Variants in WWOX observed in about 807,000 individuals in gnomAD.
WWOX encodes the protein WW domain containing oxidoreductase, also known as WW domain-containing oxidoreductase.
A neutral mutation model predicts 46.2 loss-of-function variants in WWOX; 69 were observed. The ratio of observed to expected loss-of-function variants is 1.49; its 90% CI spans 1.23 to 1.82. The LOEUF (loss-of-function observed/expected upper bound fraction) is 1.82, where lower values mean the gene tolerates loss of function less well. WWOX is among the 40% of genes most tolerant of loss of function. The pLI is 0.00. For synonymous variants in WWOX, 359 were observed against 202.6 expected, an observed-to-expected ratio of 1.77 and a Z score of -6.56; for missense variants, 919 against 542.6, an observed-to-expected ratio of 1.69 and a Z score of -6.89.
At chr16:78,489,667 A>G (rs773279485) in intron 8 of WWOX, among the ~76,000 whole-genome samples, 49 of 152,194 alleles carry the variant, frequency 3.2e-4, no homozygotes, top group Admixed American at 7.2e-4. Flanking sequence ...GGGTAAAAGA[A>G]GAGGATGGAA....
At chr16:78,338,188 T>A (rs2080936810) in intron 5 of WWOX, among the ~76,000 whole-genome samples, 1 of 116,748 alleles carries the variant, frequency 8.6e-6, no homozygotes, top group African/African-American at 3.0e-5. Context: ...TTAAAAAAAT[T>A]AATTTTGTGA....
intron 8 of WWOX, chr16:78,996,371 C>CGGGGGGGGGGG: frequency 1.7e-6 from 1 of 584,172 alleles, no homozygotes. Flanking sequence ...GTGAATTCTG[C>CGGGGGGGGGGG]ACCCACCCCC....
chr16:78,762,155 A>G (rs1014994080), intron 8 of WWOX, among the ~76,000 whole-genome samples: 1 of 152,230 alleles, frequency 6.6e-6, no homozygotes, highest in Non-Finnish European at 1.5e-5. Flanking sequence ...TTAGGAAACC[A>G]AGGTCAAAAG....
chr16:78,576,971 A>G (rs2044896835), intron 8 of WWOX, among the ~76,000 whole-genome samples: 1 of 152,172 alleles, frequency 6.6e-6, no homozygotes, highest in African/African-American at 2.4e-5. Flanking sequence ...TCTTCACTCC[A>G]TGTAATTAGT....
intron 8 of WWOX, among the ~76,000 whole-genome samples, chr16:78,706,141 T>A (rs1233535698): frequency 6.6e-6 from 1 of 151,256 alleles, no homozygotes; most frequent in Admixed American, 6.6e-5. Context: ...AAATCATTCT[T>A]AATTAAGGCA....
At chr16:78,983,611 G>C (rs1366956271) in intron 8 of WWOX, among the ~76,000 whole-genome samples, 1 of 152,084 alleles carries the variant, frequency 6.6e-6, no homozygotes, top group Non-Finnish European at 1.5e-5. Flanking sequence ...ATATTTTCTA[G>C]ACTCTCCTGG....
At chr16:78,999,099 C>G (rs2047044936) in intron 8 of WWOX, among the ~76,000 whole-genome samples, 1 of 151,444 alleles carries the variant, frequency 6.6e-6, no homozygotes, top group South Asian at 2.1e-4. Flanking sequence ...CGCAACACAA[C>G]TGCAGAGCCA....
rs545901082 is a variant in WWOX, at chr16:78,909,216, AGCCAGTCGTTCATGTT to A, written c.1057-302391_1057-302376del. 6.8e-3 allele frequency among the ~76,000 whole-genome samples: 1,043 copies of A among 152,296 alleles called. 8 individuals are homozygous for A. The highest frequency in any genetic ancestry group is 0.024 in the African/African-American group (1,001 of 41,554). ...TTTTTGCAAAGGCTGTTTTAATAACAGCCAGTCGTTCATGTTTCCTTGTGCCACGTGATTATTTTGT... is the reference window on the plus strand; with the variant it reads ...TTTTTGCAAAGGCTGTTTTAATAACATCCTTGTGCCACGTGATTATTTTGT... On this transcript the variant is annotated intron_variant, in intron 8 of 8. Transcript: ENST00000566780.
intron 8 of WWOX, among the ~76,000 whole-genome samples, chr16:78,649,387 G>A (rs1054263129): frequency 5.9e-5 from 9 of 152,044 alleles, no homozygotes; most frequent in Non-Finnish European, 1.0e-4. Context: ...GGGCTCAAGC[G>A]ATCTTCCCAC....
chr16:78,323,327 G>C (rs539525080), intron 5 of WWOX, among the ~76,000 whole-genome samples: 1 of 152,028 alleles, frequency 6.6e-6, no homozygotes, highest in Admixed American at 6.5e-5. Context: ...GGATGGTCTC[G>C]ATCTCCTGAC....
intron 8 of WWOX, among the ~76,000 whole-genome samples, chr16:78,630,660 G>C (rs574634855): frequency 3.3e-5 from 5 of 152,256 alleles, no homozygotes; most frequent in South Asian, 4.1e-4. Context: ...CCATTTCCCT[G>C]TGCTCATTTT....
chr16:79,124,898 T>C (rs1021084802), intron 8 of WWOX, among the ~76,000 whole-genome samples: 1 of 152,174 alleles, frequency 6.6e-6, no homozygotes, highest in African/African-American at 2.4e-5. Context: ...CATATTTTAA[T>C]TTAAGGTGGT....
chr16:79,108,507 C>G (rs2049353464), intron 8 of WWOX, among the ~76,000 whole-genome samples: 1 of 152,258 alleles, frequency 6.6e-6, no homozygotes, highest in Non-Finnish European at 1.5e-5. Context: ...CCAGGCTGAG[C>G]TGTGCAGTCC....
At chr16:78,481,731 G>GTGTGTGTGTA (rs2084493519) in intron 8 of WWOX, among the ~76,000 whole-genome samples, 1 of 133,036 alleles carries the variant, frequency 7.5e-6, no homozygotes, top group South Asian at 2.4e-4. Context: ...GGAAGTGTGT[G>GTGTGTGTGTA]TGTGTGTGTG....
chr16:78,906,217 C>T (rs1387982455), intron 8 of WWOX, among the ~76,000 whole-genome samples: 1 of 152,082 alleles, frequency 6.6e-6, no homozygotes, highest in Non-Finnish European at 1.5e-5. Flanking sequence ...GAGTTATCTC[C>T]CTGGGCCTTG....
chr16:78,890,302 G>T (rs1036070446), intron 8 of WWOX: 8 of 138,462 alleles, frequency 5.8e-5, no homozygotes, highest in African/African-American at 2.1e-4. Flanking sequence ...ATTCTTATTT[G>T]ACCTCTTGCC....
At chr16:79,059,259 T>A (rs1482864477) in intron 8 of WWOX, among the ~76,000 whole-genome samples, 2 of 152,208 alleles carry the variant, frequency 1.3e-5, no homozygotes, top group African/African-American at 4.8e-5. Context: ...TGTTTAACCA[T>A]AAAATACAGC....
chr16:79,127,371 C>G (rs960284584), intron 8 of WWOX, among the ~76,000 whole-genome samples: 1 of 152,138 alleles, frequency 6.6e-6, no homozygotes, highest in African/African-American at 2.4e-5. Flanking sequence ...CTTCACTTTG[C>G]TATACACACC....
At chr16:78,784,291 G>A (rs1278517000) in intron 8 of WWOX, among the ~76,000 whole-genome samples, 2 of 152,112 alleles carry the variant, frequency 1.3e-5, no homozygotes, top group Non-Finnish European at 2.9e-5. Context: ...AGGCAGAAAA[G>A]AGACAGCCAG....
Sources: gnomAD v4.1 joint callset for allele counts (sites outside exome capture counted in the v4.1 genomes callset) on GRCh38, gnomAD v4.1.1 for gene constraint, MANE v1.5 for transcripts, NCBI Gene and HGNC (gene_info 2026-07-23, HGNC 2026-07-21) for gene names.